The following PDZD2 variants were observed in gnomAD, a reference collection of about 807,000 sequenced individuals.
PDZD2 encodes PDZ domain containing 2, also known as PDZ domain-containing protein 2.
A neutral mutation model predicts 220.7 loss-of-function variants in PDZD2; 90 were observed. That is an observed-to-expected ratio of 0.41 (90% CI 0.34 to 0.49). The LOEUF (loss-of-function observed/expected upper bound fraction) is 0.49. PDZD2 is among the 20% of genes least tolerant of loss of function. The pLI is 0.28. For missense variants in PDZD2, 3,174 were observed against 3,608.5 expected (o/e 0.88, Z 3.08); for synonymous variants, 1,375 against 1,450.5 (o/e 0.95, Z 1.18).
At chr5:31,946,066 G>C (rs1005538127) in intron 2 of PDZD2, among the ~76,000 whole-genome samples, 2 of 152,108 alleles carry the variant, frequency 1.3e-5, no homozygotes, top group Non-Finnish European at 2.9e-5. Flanking sequence ...GCAGTGGCAC[G>C]ATCCCGGCGC....
At chr5:32,068,381 T>C (rs1740417138) in intron 14 of PDZD2, among the ~76,000 whole-genome samples, 1 of 152,260 alleles carries the variant, frequency 6.6e-6, no homozygotes. Context: ...CATGGCAGCC[T>C]GCTACAGGTC....
rs773608482 is a variant in PDZD2 at position 31,840,812 on chromosome 5, GT to G, written c.476+41089del. On this transcript the variant is annotated intron_variant, in intron 2 of 24. Coordinates refer to ENST00000438447, the MANE Select transcript of PDZD2 (RefSeq NM_178140.4). ...TTCCCGTTTTGCCATGGTGACACCT[GT>G]GGGGCGTTCCTTTTTGAACAGTACC... 3.4e-5 allele frequency: 26 copies of G among 761,106 alleles called. 1 individual carries two copies. Among genetic ancestry groups the G allele is most frequent in the Admixed American group, 6.9e-5 (4 of 58,164 alleles). 47.1% of individuals were successfully genotyped at this position (761,106 alleles called of 1,614,324 possible).
At chr5:31,938,282 T>C (rs572667653) in intron 2 of PDZD2, among the ~76,000 whole-genome samples, 2 of 152,324 alleles carry the variant, frequency 1.3e-5, no homozygotes, top group South Asian at 4.1e-4. Flanking sequence ...TGCAGCAAGT[T>C]AAGCCCTCAG....
At chr5:31,912,118 A>G (rs1743261620) in intron 2 of PDZD2, among the ~76,000 whole-genome samples, 1 of 152,090 alleles carries the variant, frequency 6.6e-6, no homozygotes, top group African/African-American at 2.4e-5. Flanking sequence ...TTGGTCTACT[A>G]TAACAAATAC....
At chr5:31,688,286 G>A (rs578212360) in intron 1 of PDZD2, among the ~76,000 whole-genome samples, 1 of 152,248 alleles carries the variant, frequency 6.6e-6, no homozygotes, top group South Asian at 2.1e-4. Flanking sequence ...ATCTGGAGTT[G>A]CAGATAGAAA....
At chr5:32,068,195 T>A (rs1740397305) in intron 14 of PDZD2, among the ~76,000 whole-genome samples, 1 of 151,956 alleles carries the variant, frequency 6.6e-6, no homozygotes, top group Non-Finnish European at 1.5e-5. Context: ...ATCAGACAGA[T>A]CCTAATTGAA....
Position 32,073,936 on chromosome 5 carries a change from A to C in PDZD2, c.2830A>C (p.Ser944Arg). 1 of 1,614,050 alleles carries C rather than the reference A, an allele frequency of 6.2e-7. No homozygotes were observed. The highest frequency in any genetic ancestry group is 8.5e-7 in the Non-Finnish European group (1 of 1,179,956). The change falls in exon 18 of 25, where the codon AGT becomes CGT. Residue 944 changes from serine to arginine, a missense_variant. Ser to Arg is a moderately radical substitution (Grantham distance 110, BLOSUM62 -1). Coordinates refer to ENST00000438447, the MANE Select transcript of PDZD2 (RefSeq NM_178140.4). ...HKQVTVARQASLPGSPQALRN... is the reference protein window; with the variant it reads ...HKQVTVARQARLPGSPQALRN... The stretch of plus-strand genomic sequence containing the variant: ...GCAGGTGACAGTTGCCAGACAAGCC[A>C]GTCTCCCCGGAAGCCCACAGGCCCT...
chr5:31,915,968 T>C (rs2150373769), intron 2 of PDZD2, among the ~76,000 whole-genome samples: 1 of 152,248 alleles, frequency 6.6e-6, no homozygotes, highest in East Asian at 1.9e-4. Flanking sequence ...ATATGTGTGT[T>C]GGGGGGACAG....
rs576012436 is a variant in PDZD2, at chr5:31,884,644, A to G, written c.476+84920A>G. 6.6e-5 allele frequency among the ~76,000 whole-genome samples: 10 copies of G among 152,060 alleles called. No homozygotes were observed. The East Asian group carries it at 1.9e-3, about 29-fold the overall frequency. On this transcript the variant is annotated intron_variant, in intron 2 of 24. Transcript: ENST00000438447. Reference sequence around the variant, plus strand: ...TGCTCTGTCACCCAGGCTGGAGTGCAATGGCGCGATCTCGGCTCACTGCAA... The same window carrying G: ...TGCTCTGTCACCCAGGCTGGAGTGCGATGGCGCGATCTCGGCTCACTGCAA...
At chr5:32,002,755 ACC>A (rs1561312731) in intron 5 of PDZD2, among the ~76,000 whole-genome samples, 2 of 24,740 alleles carry the variant, frequency 8.1e-5, no homozygotes, top group East Asian at 4.7e-4. Context: ...CAACACACAC[ACC>A]CCACACACCA....
intron 2 of PDZD2, among the ~76,000 whole-genome samples, chr5:31,871,919 G>A (rs1738837732): frequency 6.6e-6 from 1 of 151,992 alleles, no homozygotes; most frequent in Non-Finnish European, 1.5e-5. Context: ...TCAACCTCCT[G>A]GGCTCAAGTT....
At chr5:31,822,959 A>G in intron 2 of PDZD2, 4 of 1,096,284 alleles carry the variant, frequency 3.6e-6, no homozygotes, top group Non-Finnish European at 5.3e-6. Context: ...TTACCCCACC[A>G]TTTGTCAACC....
chr5:32,056,361 C>T (rs1434938551), intron 10 of PDZD2, among the ~76,000 whole-genome samples: 2 of 152,144 alleles, frequency 1.3e-5, no homozygotes, highest in African/African-American at 2.4e-5. Flanking sequence ...TGGCTGTCTG[C>T]GAGAGGTGAC....
chr5:31,874,080 A>T (rs1278483817), intron 2 of PDZD2, among the ~76,000 whole-genome samples: 1 of 152,152 alleles, frequency 6.6e-6, no homozygotes, highest in Non-Finnish European at 1.5e-5. Context: ...ATACTCAGGC[A>T]GGGTTTCTAC....
intron 6 of PDZD2, among the ~76,000 whole-genome samples, chr5:32,026,268 C>G (rs961599567): frequency 1.3e-5 from 2 of 152,020 alleles, no homozygotes; most frequent in African/African-American, 4.8e-5. Flanking sequence ...TCCCAAGTAG[C>G]TGAGACTACA....
chr5:31,949,097 C>CAAAAAAAAAAA, intron 2 of PDZD2, among the ~76,000 whole-genome samples: 1 of 54,984 alleles, frequency 1.8e-5, no homozygotes, highest in Non-Finnish European at 3.2e-5. Flanking sequence ...GACTCTGTCT[C>CAAAAAAAAAAA]AAAAAAAAAA....
At chr5:31,998,988 T>C (rs535231135) in intron 4 of PDZD2, among the ~76,000 whole-genome samples, 1 of 152,354 alleles carries the variant, frequency 6.6e-6, no homozygotes, top group East Asian at 1.9e-4. Context: ...CACAGAACTG[T>C]TGACTCACCA....
chr5:31,852,305 G>A (rs751286197), intron 2 of PDZD2, among the ~76,000 whole-genome samples: 5 of 152,000 alleles, frequency 3.3e-5, no homozygotes, highest in Non-Finnish European at 7.4e-5. Context: ...TTTTGAGACT[G>A]AGCATTGCTG....
At chr5:31,726,697 T>C (rs1312952683) in intron 1 of PDZD2, among the ~76,000 whole-genome samples, 1 of 152,134 alleles carries the variant, frequency 6.6e-6, no homozygotes, top group Non-Finnish European at 1.5e-5. Context: ...GGCCTGGGCT[T>C]AGACCTGGGG....
Sources: gnomAD v4.1 joint callset for allele counts (sites outside exome capture counted in the v4.1 genomes callset) on GRCh38, gnomAD v4.1.1 for gene constraint, MANE v1.5 for transcripts, NCBI Gene and HGNC (gene_info 2026-07-23, HGNC 2026-07-21) for gene names.